Variants in DMC1 observed in about 807,000 individuals in gnomAD.
DMC1 encodes DNA meiotic recombinase 1, also known as meiotic recombination protein DMC1 homolog.
In DMC1, 27 loss-of-function variants were observed where a neutral mutation model predicts 50.1. The ratio of observed to expected loss-of-function variants is 0.54; its 90% CI spans 0.40 to 0.74. DMC1 has a LOEUF of 0.74. Ranked by LOEUF, DMC1 falls within the 30% of genes least tolerant of loss-of-function variation. The pLI is 0.00. For synonymous variants in DMC1, 148 were observed against 136.1 expected, an observed-to-expected ratio of 1.09 and a Z score of -0.61; for missense variants, 295 against 420.2, an observed-to-expected ratio of 0.70 and a Z score of 2.60.
intron 1 of DMC1, among the ~76,000 whole-genome samples, chr22:38,569,840 C>G (rs1382568026): frequency 6.6e-6 from 1 of 152,140 alleles, no homozygotes; most frequent in African/African-American, 2.4e-5. Context: ...ATGAGGCGGG[C>G]TCTCCTAGAC....
At chr22:38,550,089 C>G in intron 7 of DMC1, 92 bp from the exon 8 acceptor site, 1 of 889,980 alleles carries the variant, frequency 1.1e-6, no homozygotes, top group Non-Finnish European at 1.8e-6. Flanking sequence ...TGTTGCAACT[C>G]TTTAGTACAT....
At chr22:38,537,799 A>C in intron 11 of DMC1, 147 bp from the exon 12 acceptor site, 1 of 659,026 alleles carries the variant, frequency 1.5e-6, no homozygotes, top group Non-Finnish European at 2.6e-6. Flanking sequence ...TTGACAACAG[A>C]AATTATTTGT....
At chr22:38,529,553 G>C (rs1016290656) in intron 12 of DMC1, among the ~76,000 whole-genome samples, 2 of 152,066 alleles carry the variant, frequency 1.3e-5, no homozygotes, top group Admixed American at 6.6e-5. Context: ...TTATATTGTT[G>C]AGAGTAAGAC....
intron 12 of DMC1, among the ~76,000 whole-genome samples, chr22:38,523,942 A>G (rs1454749283): frequency 1.3e-5 from 2 of 152,168 alleles, no homozygotes; most frequent in African/African-American, 2.4e-5. Flanking sequence ...GGTTAGCTAA[A>G]TGGGCAGAGA....
intron 5 of DMC1, among the ~76,000 whole-genome samples, chr22:38,557,316 G>T (rs779579725): frequency 6.6e-6 from 1 of 151,970 alleles, no homozygotes; most frequent in Non-Finnish European, 1.5e-5. Flanking sequence ...TTGAGACTCA[G>T]GAAAATTTAG....
At chr22:38,525,004 T>C (rs2090072070) in intron 12 of DMC1, among the ~76,000 whole-genome samples, 1 of 152,138 alleles carries the variant, frequency 6.6e-6, no homozygotes, top group African/African-American at 2.4e-5. Flanking sequence ...GAGGTTGTGG[T>C]GAGCTGAGAT....
At chr22:38,566,415 A>G (rs2090581579) in intron 4 of DMC1, among the ~76,000 whole-genome samples, 175 bp downstream of exon 4, 1 of 152,202 alleles carries the variant, frequency 6.6e-6, no homozygotes, top group Non-Finnish European at 1.5e-5. Context: ...CATCTTTCAG[A>G]AATCAATTGC....
In DMC1 at chr22:38,538,604, G is replaced by A; in HGVS notation, c.595C>T (p.Gln199Ter). The stretch of plus-strand genomic sequence containing the variant: ...GCTACATAATCAAGTAGCTCCATCT[G>A]ATGTTCACCTGATGGGAAATGCAGT... ...LYARAYTSEH[Q>*]MELLDYVAAK... The change falls in exon 10 of 14, where the codon CAG becomes TAG. Residue 199 changes from glutamine (Q) to a stop codon, truncating the protein, a stop_gained. Coordinates refer to ENST00000216024, the MANE Select transcript of DMC1 (RefSeq NM_007068.4). LOFTEE classifies it high-confidence loss of function. The A allele has an allele frequency of 6.2e-7, 1 of 1,613,708 alleles. No homozygotes were observed. Among genetic ancestry groups the A allele is most frequent in the South Asian group, 1.1e-5 (1 of 91,080 alleles).
chr22:38,535,913 T>G (rs1474575176), intron 12 of DMC1, among the ~76,000 whole-genome samples: 1 of 151,314 alleles, frequency 6.6e-6, no homozygotes, highest in African/African-American at 2.4e-5. Context: ...CACCCAGCCT[T>G]TAAAAGATTT....
chr22:38,537,535 C>T, intron 12 of DMC1, 57 bp downstream of exon 12: 1 of 1,499,058 alleles, frequency 6.7e-7, no homozygotes. Flanking sequence ...CTATTCTACG[C>T]TCTAACCCTC....
At chr22:38,565,854 A>G (rs944087583) in intron 4 of DMC1, among the ~76,000 whole-genome samples, 1 of 152,230 alleles carries the variant, frequency 6.6e-6, no homozygotes, top group African/African-American at 2.4e-5. Flanking sequence ...TCAATTGGCT[A>G]TATCAATTGG....
chr22:38,510,043 T>C, the DMC1 span, among the ~76,000 whole-genome samples: 1 of 152,108 alleles, frequency 6.6e-6, no homozygotes, highest in Admixed American at 6.6e-5. Context: ...TGAAACCCCG[T>C]CTCTCCTAAA....
intron 12 of DMC1, 70 bp from the exon 13 acceptor site, chr22:38,521,794 G>T: frequency 6.5e-6 from 7 of 1,069,098 alleles, no homozygotes; most frequent in Non-Finnish European, 1.0e-5. Flanking sequence ...CAATTACAAG[G>T]CAATCTTTCT....
In DMC1 at chr22:38,538,575, T is replaced by C; in HGVS notation, c.624A>G (p.Ala208=). The C allele has an allele frequency of 6.2e-7, 1 of 1,614,122 alleles. No individual in the cohort carries two copies. The highest frequency in any genetic ancestry group is 1.1e-5 in the South Asian group (1 of 91,090). Residue 208 remains alanine (A), a synonymous_variant, in exon 10 of 14, where the codon GCA becomes GCG. Transcript: ENST00000216024. ...AGATGCCAGCTTCTTCATGGAACTT[T>C]GCTGCTACATAATCAAGTAGCTCCA... ...HQMELLDYVA[A]KFHEEAGIFK...
intron 12 of DMC1, among the ~76,000 whole-genome samples, chr22:38,527,607 T>C (rs892513037): frequency 6.7e-6 from 1 of 149,584 alleles, no homozygotes; most frequent in Non-Finnish European, 1.5e-5. Flanking sequence ...CAACCTCTGC[T>C]TCCTGGGTTC....
intron 7 of DMC1, among the ~76,000 whole-genome samples, chr22:38,550,857 G>A (rs1271068390): frequency 1.4e-5 from 2 of 146,362 alleles, no homozygotes; most frequent in Non-Finnish European, 3.0e-5. Flanking sequence ...CTTGAACCTG[G>A]GAGGCGGAGG....
chr22:38,536,079 G>C (rs141420283), intron 12 of DMC1, among the ~76,000 whole-genome samples: 26 of 151,788 alleles, frequency 1.7e-4, no homozygotes, highest in African/African-American at 5.8e-4. Flanking sequence ...AAATTAGCCA[G>C]GCGTGGCGAT....
chr22:38,552,010 G>A (rs1464224523), intron 7 of DMC1, among the ~76,000 whole-genome samples: 1 of 151,874 alleles, frequency 6.6e-6, no homozygotes, highest in Non-Finnish European at 1.5e-5. Flanking sequence ...ACAGGCGCCC[G>A]CCACCATGCC....
chr22:38,514,246 CTTTTTTT>C (rs142872124), downstream of DMC1, among the ~76,000 whole-genome samples: 7 of 71,332 alleles, frequency 9.8e-5, no homozygotes, highest in Admixed American at 1.6e-4. Context: ...GTTAGGTATT[CTTTTTTT>C]TTTTTTTTTT....
Sources: gnomAD v4.1 joint callset for allele counts (sites outside exome capture counted in the v4.1 genomes callset) on GRCh38, gnomAD v4.1.1 for gene constraint, MANE v1.5 for transcripts, NCBI Gene and HGNC (gene_info 2026-07-23, HGNC 2026-07-21) for gene names.